The following FHIT variants were observed in gnomAD, a reference collection of about 807,000 sequenced individuals.
FHIT encodes fragile histidine triad diadenosine triphosphatase.
In FHIT, 19 loss-of-function variants were observed where a neutral mutation model predicts 17.9. The ratio of observed to expected loss-of-function variants is 1.06; its 90% CI spans 0.74 to 1.56. FHIT has a LOEUF of 1.56. FHIT is among the 40% of genes most tolerant of loss of function. The probability of loss-of-function intolerance (pLI) is 0.00; values close to 1 mark genes in which losing one functional copy is unlikely to be tolerated. For missense variants in FHIT, 248 were observed against 189.2 expected (o/e 1.31, Z -1.82); for synonymous variants, 81 against 69.7 (o/e 1.16, Z -0.81).
At chr3:60,193,553 C>A (rs1223193575) in intron 5 of FHIT, among the ~76,000 whole-genome samples, 1 of 152,170 alleles carries the variant, frequency 6.6e-6, no homozygotes, top group African/African-American at 2.4e-5. Context: ...AACACAGGGA[C>A]ATAGATGAGG....
At chr3:59,796,616 G>A (rs998048596) in intron 8 of FHIT, among the ~76,000 whole-genome samples, 1 of 152,226 alleles carries the variant, frequency 6.6e-6, no homozygotes. Context: ...TGAGATTCAT[G>A]TGTATGTGTC....
chr3:60,478,116 A>C (rs577839317), intron 5 of FHIT, among the ~76,000 whole-genome samples: 1 of 152,370 alleles, frequency 6.6e-6, no homozygotes, highest in African/African-American at 2.4e-5. Flanking sequence ...TGCTCATAAT[A>C]TGCCAGGCAC....
chr3:59,881,001 T>G (rs1247823779), intron 8 of FHIT, among the ~76,000 whole-genome samples: 2 of 152,108 alleles, frequency 1.3e-5, no homozygotes, highest in Non-Finnish European at 2.9e-5. Context: ...CTTTGACATC[T>G]CAACAGCACT....
At chr3:60,160,243 C>T (rs937862848) in intron 5 of FHIT, among the ~76,000 whole-genome samples, 1 of 151,988 alleles carries the variant, frequency 6.6e-6, no homozygotes, top group Non-Finnish European at 1.5e-5. Context: ...AGTATGTTTT[C>T]CCCTAAAAAT....
chr3:60,903,448 C>T (rs944040227), intron 3 of FHIT, among the ~76,000 whole-genome samples: 2 of 152,082 alleles, frequency 1.3e-5, no homozygotes, highest in African/African-American at 4.8e-5. Flanking sequence ...CTGGCAGAGG[C>T]CAAATAAAGA....
At chr3:60,537,116 T>C (rs1415647142) in intron 4 of FHIT, 137 bp from the exon 5 acceptor site, 2 of 698,976 alleles carry the variant, frequency 2.9e-6, no homozygotes, top group African/African-American at 1.8e-5. Context: ...CCTCATTGAA[T>C]GTTCACCAAG....
chr3:60,720,561 C>T (rs1577114394), intron 4 of FHIT, among the ~76,000 whole-genome samples: 1 of 152,132 alleles, frequency 6.6e-6, no homozygotes, highest in Non-Finnish European at 1.5e-5. Context: ...CAGTACTTAA[C>T]AGGGGCTAAC....
intron 8 of FHIT, among the ~76,000 whole-genome samples, chr3:59,755,001 G>C (rs1701135142): frequency 6.6e-6 from 1 of 151,950 alleles, no homozygotes; most frequent in Non-Finnish European, 1.5e-5. Context: ...CTGGGTTTGG[G>C]GATTTAAAAC....
chr3:60,522,477 T>A (rs2035409212), intron 5 of FHIT, among the ~76,000 whole-genome samples: 1 of 152,196 alleles, frequency 6.6e-6, no homozygotes, highest in African/African-American at 2.4e-5. Context: ...TAAAAATCTA[T>A]GTCAGCTACA....
At chr3:60,880,780 A>G (rs1553757793) in intron 3 of FHIT, among the ~76,000 whole-genome samples, 1 of 152,224 alleles carries the variant, frequency 6.6e-6, no homozygotes, top group Non-Finnish European at 1.5e-5. Context: ...CTAGTAGAGC[A>G]GATACACAGA....
At chr3:60,343,204 A>T (rs1005423994) in intron 5 of FHIT, among the ~76,000 whole-genome samples, 2 of 152,150 alleles carry the variant, frequency 1.3e-5, no homozygotes, top group Non-Finnish European at 1.5e-5. Flanking sequence ...ACCAATACTA[A>T]TATTTTGGAG....
intron 5 of FHIT, among the ~76,000 whole-genome samples, chr3:60,127,823 G>A (rs1705627539): frequency 6.6e-6 from 1 of 151,996 alleles, no homozygotes; most frequent in Non-Finnish European, 1.5e-5. Flanking sequence ...TAGAGATGAG[G>A]CCTTACTATG....
In FHIT at chr3:59,929,434, G is replaced by A. The variant is rs544188955; in HGVS notation, c.280-7020C>T. Among the ~76,000 whole-genome samples the A allele has an allele frequency of 3.6e-4, 47 of 129,758 alleles. 1 individual carries two copies. Among genetic ancestry groups the A allele is most frequent in the African/African-American group, 1.1e-3 (39 of 34,500 alleles). 85.1% of individuals were successfully genotyped at this position (129,758 alleles called of 152,430 possible). A position where few individuals can be genotyped will look rare whatever the true frequency, so the allele number is the denominator to read the frequency against. On this transcript the variant is annotated intron_variant, in intron 7 of 9. Transcript: ENST00000492590. ...CACCCAGGCTGGAGTGCAGTGGCACGATCTCGGCTCACTGCAACCTCTGCC... is the reference window on the plus strand; with the variant it reads ...CACCCAGGCTGGAGTGCAGTGGCACAATCTCGGCTCACTGCAACCTCTGCC...
chr3:61,152,738 T>A (rs1049378110), intron 2 of FHIT, among the ~76,000 whole-genome samples: 2 of 151,874 alleles, frequency 1.3e-5, no homozygotes, highest in South Asian at 4.2e-4. Flanking sequence ...AATGAGAAGA[T>A]CATAGCTGTG....
chr3:59,986,807 AT>A (rs1708988525), intron 7 of FHIT, among the ~76,000 whole-genome samples: 1 of 6,268 alleles, frequency 1.6e-4, no homozygotes, highest in African/African-American at 5.3e-4. Context: ...TATATTTTGT[AT>A]TATATATTAA....
intron 4 of FHIT, among the ~76,000 whole-genome samples, chr3:60,609,050 C>G (rs2038698578): frequency 6.6e-6 from 1 of 151,418 alleles, no homozygotes; most frequent in Non-Finnish European, 1.5e-5. Flanking sequence ...ATATAAATGT[C>G]CTGGAGACTT....
chr3:60,127,122 C>T (rs979705062), intron 5 of FHIT, among the ~76,000 whole-genome samples: 1 of 152,090 alleles, frequency 6.6e-6, no homozygotes, highest in Non-Finnish European at 1.5e-5. Context: ...ATTACACAAG[C>T]GATCCCATCT....
intron 5 of FHIT, among the ~76,000 whole-genome samples, chr3:60,356,029 G>A (rs1015666056): frequency 6.6e-6 from 1 of 152,086 alleles, no homozygotes; most frequent in Non-Finnish European, 1.5e-5. Context: ...ATAATAACTG[G>A]CACTGTGCCA....
chr3:59,885,699 A>C (rs756149387), intron 8 of FHIT, among the ~76,000 whole-genome samples: 3 of 152,192 alleles, frequency 2.0e-5, no homozygotes, highest in Non-Finnish European at 4.4e-5. Flanking sequence ...TGTCACCAAC[A>C]GGTGGGTTTT....
Sources: gnomAD v4.1 joint callset for allele counts (sites outside exome capture counted in the v4.1 genomes callset) on GRCh38, gnomAD v4.1.1 for gene constraint, MANE v1.5 for transcripts, NCBI Gene and HGNC (gene_info 2026-07-23, HGNC 2026-07-21) for gene names.